NOTCH3: variants seen among roughly 807,000 people sequenced by gnomAD.
NOTCH3 encodes notch receptor 3.
In NOTCH3, 86 loss-of-function variants were observed where a neutral mutation model predicts 213.3. That is an observed-to-expected ratio of 0.40 (90% confidence interval 0.34 to 0.48). The LOEUF is 0.48. NOTCH3 is among the 20% of genes least tolerant of loss of function. NOTCH3 has a pLI of 0.57. For synonymous variants in NOTCH3, 1,354 were observed against 1,355.9 expected, an observed-to-expected ratio of 1.00 and a Z score of 0.03; for missense variants, 2,783 against 3,272.6, an observed-to-expected ratio of 0.85 and a Z score of 3.65.
At chr19:15,173,273 T>A (rs899586225) in intron 25 of NOTCH3, among the ~76,000 whole-genome samples, 2 of 149,234 alleles carry the variant, frequency 1.3e-5, no homozygotes, top group African/African-American at 4.9e-5. Context: ...ATACAAAAAA[T>A]TAGCCAGGCA....
At chr19:15,173,724 CAAAAAAAAAAA>C (rs1212635746) in intron 25 of NOTCH3, among the ~76,000 whole-genome samples, 8 of 131,310 alleles carry the variant, frequency 6.1e-5, no homozygotes, top group African/African-American at 1.7e-4. Context: ...GACTCCGTCT[CAAAAAAAAAAA>C]AAAAAAGAAA....
At chr19:15,163,390 T>A (rs10406754) in intron 31 of NOTCH3, among the ~76,000 whole-genome samples, 137,114 of 152,286 alleles carry the variant, frequency 0.9, 62,037 homozygotes, top group African/African-American at 0.97. Context: ...CCTAAATATA[T>A]GAGCTCCAAC....
At position 15,167,388 on chromosome 19, in the gene NOTCH3, A is replaced by G; in HGVS notation, c.5223T>C (p.Ala1741=). ...RLKVEEPGMG[A]EEAVDCRQWT... ...ACTGACGGCAATCCACAGCCTCCTC[A>G]GCCCCCATGCCTGGCTCCTCTACCT... is the stretch of plus-strand genomic sequence containing the variant. The change falls in exon 29 of 33, where the codon GCT becomes GCC. Residue 1741 remains alanine, a synonymous_variant. Coordinates refer to ENST00000263388, the MANE Select transcript of NOTCH3 (RefSeq NM_000435.3). 1 of 1,608,168 alleles carries G rather than the reference A, an allele frequency of 6.2e-7. No individual in the cohort carries two copies. The highest frequency in any genetic ancestry group is 8.5e-7 in the Non-Finnish European group (1 of 1,180,004).
rs2145420306 is a variant in NOTCH3, at chr19:15,180,097, C to T, written c.3302G>A (p.Gly1101Asp). Residue 1101 changes from glycine (G) to aspartate (D), a missense_variant, in exon 20 of 33, where the codon GGC (glycine) becomes GAC (aspartate). By Grantham distance (94) the Gly-to-Asp change is moderately conservative. Transcript: ENST00000263388. ...CTCACACATGTAGCCCCCCATATAG[C>T]CACGGCAGGTCCCCCCATGCTGGCA... is the stretch of plus-strand genomic sequence containing the variant. The part of the protein sequence containing the change: ...QPCQHGGTCR[G>D]YMGGYMCECL... 2 of 1,611,796 alleles carry T rather than the reference C, an allele frequency of 1.2e-6. No individual in the cohort carries two copies. Among genetic ancestry groups the T allele is most frequent in the Middle Eastern group, 2.0e-4 (1 of 4,960 alleles).
chr19:15,162,759 C>G (rs76603470), intron 31 of NOTCH3, among the ~76,000 whole-genome samples, 197 bp from the exon 32 acceptor site: 2 of 36,060 alleles, frequency 5.5e-5, no homozygotes, highest in African/African-American at 5.4e-4. Flanking sequence ...CACTTTGTGT[C>G]TGTGTGTGTG....
chr19:15,173,060 T>TTCTTCTTCCTCTTCCTCTTCC (rs2046749985), intron 25 of NOTCH3, among the ~76,000 whole-genome samples: 1 of 1,698 alleles, frequency 5.9e-4, no homozygotes, highest in Non-Finnish European at 1.1e-3. Flanking sequence ...CTCCCTCTTC[T>TTCTTCTTCCTCTTCCTCTTCC]TCTTCTTCTT....
rs755461072 is a variant in NOTCH3, at chr19:15,160,944, G to A, written c.6684C>T (p.Ser2228=). ...GCAGGAAGCGGGCCTTTGGGGGGCT[G>A]CTGTGTGCCCCAGCCGCCGGGTACT... ...GEEYPAAGAH[S]SPPKARFLRV... The change falls in exon 33 of 33, where the codon AGC becomes AGT. Residue 2228 remains serine, a synonymous_variant. Coordinates refer to ENST00000263388, the MANE Select transcript of NOTCH3 (RefSeq NM_000435.3). 42 of 1,594,750 alleles carry A rather than the reference G, an allele frequency of 2.6e-5. No homozygotes were observed. In the African/African-American group the frequency reaches 4.6e-4, roughly 17 times the overall value.
At chr19:15,200,055 C>CGG (rs201971229) in intron 1 of NOTCH3, among the ~76,000 whole-genome samples, 2 of 149,992 alleles carry the variant, frequency 1.3e-5, no homozygotes, top group Non-Finnish European at 3.0e-5. Context: ...GGAGGAGGGG[C>CGG]GGGGGCCCCT....
At position 15,165,893 on chromosome 19, in the gene NOTCH3, G is replaced by A. The variant is rs2145392093; in HGVS notation, c.5561C>T (p.Ala1854Val). ...CCCAGCATCCAGCAGCCGCTTGGCT[G>A]CATCAGCACGGGCATAACGGGCAGC... ...HLAARYARAD[A>V]AKRLLDAGAD... is the part of the protein sequence containing the mutation. Residue 1854 changes from alanine to valine, a missense_variant, in exon 30 of 33, where the codon GCA (alanine) becomes GTA (valine). This residue lies in a region of NOTCH3 where 636 missense variants were observed against 801.8 expected (regional missense o/e 0.79). Coordinates refer to ENST00000263388, the MANE Select transcript of NOTCH3 (RefSeq NM_000435.3). The surrounding 1 kb of genome is among the most constrained non-coding windows in gnomAD (Gnocchi z 4.7). 1 of 1,614,144 alleles carries A rather than the reference G, an allele frequency of 6.2e-7. No homozygotes were observed. Among genetic ancestry groups the A allele is most frequent in the Non-Finnish European group, 8.5e-7 (1 of 1,180,020 alleles).
In NOTCH3 at chr19:15,177,617, GAA is replaced by G. The variant is rs767325067; in HGVS notation, c.4309_4310del (p.Phe1437GlnfsTer125). The G allele has an allele frequency of 1.9e-6, 3 of 1,590,128 alleles. No individual in the cohort carries two copies. ...AGGCGGGGTCGCAGCGGCTGTTGTT[GAA>G]GAGGCGCCAGCACTGCAGCGCCTCG... Reference protein sequence around the residue: ...QCEALQCWRLFNNSRCDPACS... With the variant: ...QCEALQCWRLXNNSRCDPACS... On this transcript the variant is annotated frameshift_variant, in exon 24 of 33. Transcript: ENST00000263388. LOFTEE classifies it high-confidence loss of function.
Position 15,189,032 on chromosome 19 carries a change from C to A in NOTCH3, c.1335G>T (p.Thr445=). ...TGAACTGGCCTATGCGGTCGAGGCA[C>A]GTGGCCTGGTTTCGGCAGGGCCCCG... ...CLSGPCRNQA[T]CLDRIGQFTC... The change falls in exon 8 of 33, where the codon ACG becomes ACT. Residue 445 remains threonine (T), a synonymous_variant. Transcript: ENST00000263388. 3.1e-6 allele frequency: 5 copies of A among 1,613,016 alleles called. No individual in the cohort carries two copies. In the South Asian group the frequency reaches 5.5e-5, roughly 18 times the overall value.
chr19:15,181,873 T>A, intron 16 of NOTCH3, 72 bp from the exon 17 acceptor site: 8 of 1,311,632 alleles, frequency 6.1e-6, no homozygotes, highest in Non-Finnish European at 8.5e-6. Flanking sequence ...GGATATGCCT[T>A]GGATTGAGAA....
chr19:15,161,319 G>A lies in NOTCH3; in HGVS notation c.6309C>T (p.Asp2103=), dbSNP rs2046640386. ...ADSSVTLSPV[D]SLDSPRPFGG... ...CGAAAGGCCGCGGGGAGTCCAGCGA[G>A]TCCACGGGCGACAGCGTGACCGAGC... The change falls in exon 33 of 33, where the codon GAC becomes GAT. Residue 2103 remains aspartate (D), a synonymous_variant. Transcript: ENST00000263388. The A allele has an allele frequency of 9.8e-6, 15 of 1,526,292 alleles. No homozygotes were observed. The highest frequency in any genetic ancestry group is 1.3e-5 in the Non-Finnish European group (15 of 1,138,974). 94.5% of individuals were successfully genotyped at this position (1,526,292 alleles called of 1,614,324 possible).
At chr19:15,188,137 G>A in intron 9 of NOTCH3, 98 bp downstream of exon 9, 3 of 1,083,826 alleles carry the variant, frequency 2.8e-6, no homozygotes, top group Non-Finnish European at 2.8e-6. Context: ...GGTTTCTATT[G>A]TAAGTTATCC....
intron 23 of NOTCH3, chr19:15,178,470 C>G (rs997939562): frequency 1.3e-5 from 6 of 444,872 alleles, no homozygotes; most frequent in Non-Finnish European, 2.1e-5. Context: ...CTGCAACCTC[C>G]GCCTCCCGGG....
intron 6 of NOTCH3, among the ~76,000 whole-genome samples, chr19:15,190,924 T>C (rs1206269459): frequency 6.6e-6 from 1 of 152,140 alleles, no homozygotes; most frequent in Admixed American, 6.6e-5. Flanking sequence ...ACTCACTATG[T>C]TGTCCAGGCT....
intron 29 of NOTCH3, among the ~76,000 whole-genome samples, chr19:15,166,791 G>C (rs114506993): frequency 6.6e-6 from 1 of 152,086 alleles, no homozygotes; most frequent in African/African-American, 2.4e-5. Context: ...GGTAGAGACT[G>C]ACCTCCCCGC....
At chr19:15,170,633 T>G in intron 26 of NOTCH3, 38 bp downstream of exon 26, 154 of 1,286,514 alleles carry the variant, frequency 1.2e-4, no homozygotes, top group Non-Finnish European at 1.5e-4. Flanking sequence ...CGCCCCCAGC[T>G]CCGCCCCCGC....
At position 15,159,540 on chromosome 19, in the gene NOTCH3, C is replaced by A; in HGVS notation, c.*1122G>T. 4.8e-6 allele frequency: 1 copy of A among 208,782 alleles called. No individual in the cohort carries two copies. Among genetic ancestry groups the A allele is most frequent in the East Asian group, 7.2e-5 (1 of 13,848 alleles). The allele number at this position is 208,782 out of a possible 1,614,324, so 12.9% of individuals were successfully genotyped here. On this transcript the variant is annotated 3_prime_UTR_variant, in exon 33 of 33. Coordinates refer to ENST00000263388, the MANE Select transcript of NOTCH3 (RefSeq NM_000435.3). ...AGACTGGCAAGTCAAATGTATTTAC[C>A]CCAAGATGGGAGCTCAAGTTAGCCC... is the stretch of plus-strand genomic sequence containing the variant.
Sources: allele counts gnomAD v4.1 joint callset (sites outside exome capture counted in the v4.1 genomes callset), GRCh38; gene constraint gnomAD v4.1.1; regional missense constraint gnomAD v4.1.1; non-coding constraint Gnocchi (gnomAD v3.1); transcripts MANE v1.5; gene names NCBI Gene and HGNC (gene_info 2026-07-23, HGNC 2026-07-21).